The following MAGI2 variants were observed in gnomAD, a reference collection of about 807,000 sequenced individuals.
The protein encoded by MAGI2 is membrane associated guanylate kinase, WW and PDZ domain containing 2, also known as membrane-associated guanylate kinase, WW and PDZ domain-containing protein 2.
In MAGI2, 35 loss-of-function variants were observed where a neutral mutation model predicts 133.3. The ratio of observed to expected loss-of-function variants is 0.26; its 90% CI spans 0.20 to 0.35. The LOEUF (loss-of-function observed/expected upper bound fraction) is 0.35. MAGI2 is among the 10% of genes least tolerant of loss of function. The pLI is 1.00. For synonymous variants in MAGI2, 729 were observed against 710.6 expected (o/e 1.03, Z -0.41); for missense variants, 1,636 against 1,863.4 (o/e 0.88, Z 2.25).
Position 79,322,125 on chromosome 7 carries a change from G to A in MAGI2, c.301+130895C>T, listed in dbSNP as rs1839228381. Among the ~76,000 whole-genome samples the A allele has an allele frequency of 2.0e-5, 3 of 152,080 alleles. No individual in the cohort carries two copies. In the South Asian group the frequency reaches 6.2e-4, roughly 32 times the overall value. ...CATAGAAGCATTTACCTTCTTCATA[G>A]CAGCATAAAAAAGTAGCTGGTTCAA... On this transcript the variant is annotated intron_variant, in intron 1 of 21. Coordinates refer to ENST00000354212, the MANE Select transcript of MAGI2 (RefSeq NM_012301.4).
chr7:78,833,408 G>C lies in MAGI2; in HGVS notation c.418+173682C>G, dbSNP rs190430398. 2.8e-3 allele frequency among the ~76,000 whole-genome samples: 430 copies of C among 152,270 alleles called. 2 individuals are homozygous for C. Among genetic ancestry groups the C allele is most frequent in the African/African-American group, 8.8e-3 (367 of 41,580 alleles). ...GTGCATTGGAGGCATCAAGGGACCA[G>C]AAGGCAGTGACCCCCCTGGACTCAG... On this transcript the variant is annotated intron_variant, in intron 2 of 21. Coordinates refer to ENST00000354212, the MANE Select transcript of MAGI2 (RefSeq NM_012301.4).
At chr7:79,064,563 C>T (rs1027503972) in intron 1 of MAGI2, among the ~76,000 whole-genome samples, 1 of 152,042 alleles carries the variant, frequency 6.6e-6, no homozygotes, top group Non-Finnish European at 1.5e-5. Flanking sequence ...ATTTTAAAAA[C>T]TTCCATGTAT....
At chr7:78,984,629 G>A (rs1029470402) in intron 2 of MAGI2, among the ~76,000 whole-genome samples, 9 of 151,626 alleles carry the variant, frequency 5.9e-5, no homozygotes, top group Admixed American at 1.3e-4. Context: ...GTATCTGCTC[G>A]TATGTGATAC....
intron 2 of MAGI2, among the ~76,000 whole-genome samples, chr7:78,792,130 A>G (rs898316076): frequency 2.0e-5 from 3 of 152,160 alleles, no homozygotes; most frequent in African/African-American, 7.2e-5. Flanking sequence ...GAGAAGAAAC[A>G]TGGGGGAGTT....
At chr7:78,120,280 G>A (rs1820302915) in intron 20 of MAGI2, among the ~76,000 whole-genome samples, 1 of 152,144 alleles carries the variant, frequency 6.6e-6, no homozygotes, top group Non-Finnish European at 1.5e-5. Flanking sequence ...GCAGGTGCCT[G>A]TAGTCCCAGC....
intron 9 of MAGI2, among the ~76,000 whole-genome samples, chr7:78,333,232 AC>A (rs1466989538): frequency 6.6e-6 from 1 of 152,182 alleles, no homozygotes; most frequent in Admixed American, 6.5e-5. Context: ...TATTGCTAGC[AC>A]TACAGAGAAC....
intron 10 of MAGI2, among the ~76,000 whole-genome samples, chr7:78,219,456 C>T (rs1788590160): frequency 6.6e-6 from 1 of 152,194 alleles, no homozygotes; most frequent in Non-Finnish European, 1.5e-5. Flanking sequence ...TCTGCACCCA[C>T]TTTTCTCTTC....
intron 10 of MAGI2, among the ~76,000 whole-genome samples, chr7:78,211,686 T>C (rs1482412795): frequency 6.6e-6 from 1 of 152,252 alleles, no homozygotes; most frequent in Non-Finnish European, 1.5e-5. Context: ...CATTTAATGC[T>C]TTTGATGGAT....
At chr7:78,744,122 A>G (rs751730840) in intron 2 of MAGI2, among the ~76,000 whole-genome samples, 26 of 152,158 alleles carry the variant, frequency 1.7e-4, no homozygotes, top group Middle Eastern at 3.2e-3. Context: ...TTTTTTTAAC[A>G]TGAGTAGGTA....
chr7:78,531,757 C>A (rs1281628447), intron 3 of MAGI2, among the ~76,000 whole-genome samples: 1 of 152,150 alleles, frequency 6.6e-6, no homozygotes, highest in Non-Finnish European at 1.5e-5. Context: ...ATATAACTTC[C>A]TTCTCCCAAT....
chr7:79,056,666 G>T (rs1054034276), intron 1 of MAGI2, among the ~76,000 whole-genome samples: 1 of 152,106 alleles, frequency 6.6e-6, no homozygotes, highest in Non-Finnish European at 1.5e-5. Flanking sequence ...AACATTTTCA[G>T]CTTAATTATA....
chr7:78,203,205 C>T (rs891649229), intron 10 of MAGI2, among the ~76,000 whole-genome samples: 2 of 152,116 alleles, frequency 1.3e-5, no homozygotes, highest in Admixed American at 1.3e-4. Context: ...CCTGCAATGC[C>T]CAAACAGACT....
chr7:78,074,841 C>A (rs1042020552), intron 21 of MAGI2, among the ~76,000 whole-genome samples: 1 of 152,146 alleles, frequency 6.6e-6, no homozygotes, highest in Non-Finnish European at 1.5e-5. Context: ...GTAGTGGTCA[C>A]TTGTATAGTT....
intron 6 of MAGI2, among the ~76,000 whole-genome samples, chr7:78,397,366 TACACACACACAC>T (rs71085528): frequency 1.2e-4 from 18 of 147,818 alleles, no homozygotes; most frequent in African/African-American, 3.7e-4. Context: ...TTGAAATTCC[TACACACACACAC>T]ACACACACAC....
At chr7:78,177,412 A>T (rs1338671560) in intron 14 of MAGI2, among the ~76,000 whole-genome samples, 1 of 113,618 alleles carries the variant, frequency 8.8e-6, no homozygotes, top group East Asian at 2.6e-4. Context: ...TTCACTGTGA[A>T]TACGCGCACA....
chr7:79,037,749 T>C (rs1200050187), intron 1 of MAGI2, among the ~76,000 whole-genome samples: 2 of 152,222 alleles, frequency 1.3e-5, no homozygotes, highest in African/African-American at 2.4e-5. Context: ...TTGCATGTGA[T>C]TGATATGTCA....
intron 1 of MAGI2, among the ~76,000 whole-genome samples, chr7:79,273,633 C>T (rs1022006035): frequency 2.0e-5 from 3 of 148,018 alleles, no homozygotes; most frequent in African/African-American, 7.4e-5. Flanking sequence ...AGAGTAAATA[C>T]ACTATAGATG....
intron 14 of MAGI2, among the ~76,000 whole-genome samples, chr7:78,177,230 TG>T (rs1378844184): frequency 1.3e-5 from 2 of 152,162 alleles, no homozygotes; most frequent in African/African-American, 4.8e-5. Context: ...CTGACTGCAC[TG>T]CTCAGGCCCT....
intron 1 of MAGI2, among the ~76,000 whole-genome samples, chr7:79,424,016 G>A (rs1847161410): frequency 6.6e-6 from 1 of 152,080 alleles, no homozygotes; most frequent in African/African-American, 2.4e-5. Flanking sequence ...CATTGGGAAT[G>A]CCAATATGAA....
Sources: allele counts gnomAD v4.1 joint callset (sites outside exome capture counted in the v4.1 genomes callset), GRCh38; gene constraint gnomAD v4.1.1; transcripts MANE v1.5; gene names NCBI Gene and HGNC (gene_info 2026-07-23, HGNC 2026-07-21).